ECPAS: variants seen among roughly 807,000 people sequenced by gnomAD.
ECPAS encodes the protein Ecm29 proteasome adaptor and scaffold, also known as proteasome adapter and scaffold protein ECM29.
In ECPAS, 70 loss-of-function variants were observed where a neutral mutation model predicts 255.1. That is an observed-to-expected ratio of 0.27 (90% CI 0.23 to 0.33). The LOEUF is 0.33. Among genes scored for constraint, ECPAS ranks in the 10% least tolerant of loss-of-function variants. ECPAS has a pLI of 1.00. For missense variants in ECPAS, 1,817 were observed against 2,206.4 expected (o/e 0.82, Z 3.54); for synonymous variants, 784 against 775.0 (o/e 1.01, Z -0.19).
chr9:111,402,755 G>A (rs1316196612), intron 24 of ECPAS, among the ~76,000 whole-genome samples: 12 of 152,056 alleles, frequency 7.9e-5, no homozygotes, highest in Admixed American at 7.9e-4. Context: ...AAGTGAAGTT[G>A]TCATCAAACT....
At chr9:111,396,950 T>C in intron 25 of ECPAS, 80 bp downstream of exon 25, 1 of 1,532,384 alleles carries the variant, frequency 6.5e-7, no homozygotes, top group Non-Finnish European at 9.0e-7. Context: ...GAATGTGTAA[T>C]GTTTTTGCCT....
At chr9:111,441,151 C>T (rs1262325789) in intron 5 of ECPAS, among the ~76,000 whole-genome samples, 1 of 140,676 alleles carries the variant, frequency 7.1e-6, no homozygotes, top group African/African-American at 2.7e-5. Context: ...GACTCCATCT[C>T]AAAAAACAAA....
intron 28 of ECPAS, among the ~76,000 whole-genome samples, chr9:111,392,157 C>T (rs1011552452): frequency 6.6e-6 from 1 of 151,958 alleles, no homozygotes; most frequent in Non-Finnish European, 1.5e-5. Context: ...GGAGAGTCAC[C>T]TGAACCAGGG....
At chr9:111,422,085 C>G (rs760997842) in intron 14 of ECPAS, 42 bp from the exon 15 acceptor site, 7 of 1,613,578 alleles carry the variant, frequency 4.3e-6, no homozygotes, top group Non-Finnish European at 5.9e-6. Flanking sequence ...GTTGGGTTCC[C>G]AGGGGAACAT....
rs186394809 is a variant in ECPAS, at chr9:111,466,597, A to G, written c.22+6300T>C. On this transcript the variant is annotated intron_variant, in intron 2 of 49. Transcript: ENST00000684092. ...CTTGTAGGAGGAAAAAAAATCTACT[A>G]AAAATATAAATAACTAAATACACAC... Among the ~76,000 whole-genome samples the G allele has an allele frequency of 1.3e-3, 202 of 150,250 alleles. 1 individual carries two copies. Among genetic ancestry groups the G allele is most frequent in the African/African-American group, 4.6e-3 (186 of 40,740 alleles).
intron 15 of ECPAS, among the ~76,000 whole-genome samples, chr9:111,420,403 A>G (rs2098211717): frequency 6.6e-6 from 1 of 152,176 alleles, no homozygotes; most frequent in South Asian, 2.1e-4. Context: ...AAGGACCATA[A>G]CTAGAGAATC....
intron 24 of ECPAS, among the ~76,000 whole-genome samples, chr9:111,400,812 A>G (rs909055634): frequency 2.6e-5 from 4 of 152,236 alleles, no homozygotes; most frequent in African/African-American, 9.6e-5. Flanking sequence ...TATTTGCCTT[A>G]AAGAGGAAAC....
At chr9:111,398,509 T>TTA (rs1432563846) in intron 24 of ECPAS, among the ~76,000 whole-genome samples, 1 of 152,176 alleles carries the variant, frequency 6.6e-6, no homozygotes, top group African/African-American at 2.4e-5. Flanking sequence ...TGGGGATTCA[T>TTA]TATATTATTA....
At chr9:111,387,858 A>ATTCTCACTCATC (rs1589132868) in intron 31 of ECPAS, among the ~76,000 whole-genome samples, 1 of 150,592 alleles carries the variant, frequency 6.6e-6, no homozygotes, top group African/African-American at 2.4e-5. Flanking sequence ...TGAGGGACAG[A>ATTCTCACTCATC]GTCTCACTCA....
intron 31 of ECPAS, among the ~76,000 whole-genome samples, chr9:111,389,189 C>A (rs75015672): frequency 0.021 from 3,160 of 152,308 alleles, 38 homozygotes; most frequent in Non-Finnish European, 0.029. Context: ...ATGGCAATTG[C>A]CTGCTTCCTT....
In ECPAS at chr9:111,406,557, T is replaced by C. The variant is rs2098184266; in HGVS notation, c.2652+2014A>G. ...TGATAAATGCTTAAAATGATGGATATCCCAATTACCCTAATTTGATCATTA... is the reference window on the plus strand; with the variant it reads ...TGATAAATGCTTAAAATGATGGATACCCCAATTACCCTAATTTGATCATTA... On this transcript the variant is annotated intron_variant, in intron 24 of 49. Coordinates refer to ENST00000684092, the MANE Select transcript of ECPAS (RefSeq NM_001364929.1). Among the ~76,000 whole-genome samples the C allele has an allele frequency of 1.3e-5, 2 of 149,804 alleles. 1 individual carries two copies. The highest frequency in any genetic ancestry group is 5.1e-5 in the African/African-American group (2 of 39,492).
chr9:111,470,069 GC>G (rs1357315246), intron 2 of ECPAS, among the ~76,000 whole-genome samples: 1 of 152,120 alleles, frequency 6.6e-6, no homozygotes, highest in Non-Finnish European at 1.5e-5. Context: ...CCAAGAGGTG[GC>G]AATGAGTACC....
At chr9:111,373,491 T>C (rs994086534) in intron 39 of ECPAS, 85 bp from the exon 40 acceptor site, 6 of 1,016,354 alleles carry the variant, frequency 5.9e-6, no homozygotes, top group Non-Finnish European at 9.1e-6. Flanking sequence ...AACCTAACCC[T>C]GTAATTAACA....
intron 24 of ECPAS, among the ~76,000 whole-genome samples, chr9:111,406,700 TCAAGACCACC>T (rs2098184469): frequency 1.3e-5 from 2 of 148,910 alleles, no homozygotes; most frequent in South Asian, 4.2e-4. Flanking sequence ...GCCCAGGAGT[TCAAGACCACC>T]CTAGGCCACA....
intron 24 of ECPAS, among the ~76,000 whole-genome samples, chr9:111,401,350 C>T (rs1307906048): frequency 6.6e-6 from 1 of 152,028 alleles, no homozygotes; most frequent in East Asian, 1.9e-4. Flanking sequence ...GACCTTGAGC[C>T]GCAAAACCAG....
chr9:111,436,772 C>T (rs1251328698), intron 7 of ECPAS, among the ~76,000 whole-genome samples, 168 bp downstream of exon 7: 2 of 152,230 alleles, frequency 1.3e-5, no homozygotes, highest in Non-Finnish European at 2.9e-5. Flanking sequence ...GCCCCTAGGG[C>T]TTAATAAATA....
At position 111,378,699 on chromosome 9, in the gene ECPAS, C is replaced by A; in HGVS notation, c.3835G>T (p.Ala1279Ser). ...INTLVKISKS[A>S]GAMLKPHAPK... ...GCATGCGGTTTCAACATGGCTCCTG[C>A]ACTTTTGCTGATCTTCACAAGGGTG... is the stretch of plus-strand genomic sequence containing the variant. The change falls in exon 36 of 50, where the codon GCA (alanine) becomes TCA (serine). Residue 1279 changes from alanine to serine, a missense_variant. This residue lies in a region of ECPAS where 960 missense variants were observed against 1,179.0 expected (regional missense o/e 0.81). Coordinates refer to ENST00000684092, the MANE Select transcript of ECPAS (RefSeq NM_001364929.1). 6.2e-7 allele frequency: 1 copy of A among 1,613,620 alleles called. No homozygotes were observed. The highest frequency in any genetic ancestry group is 8.5e-7 in the Non-Finnish European group (1 of 1,179,628).
intron 21 of ECPAS, 87 bp from the exon 22 acceptor site, chr9:111,411,229 C>G: frequency 1.5e-6 from 2 of 1,322,492 alleles, no homozygotes; most frequent in Admixed American, 3.8e-5. Context: ...CGATTAGGAT[C>G]ATCTCTCCAA....
At chr9:111,424,285 T>A (rs2098218334) in intron 12 of ECPAS, among the ~76,000 whole-genome samples, 1 of 152,216 alleles carries the variant, frequency 6.6e-6, no homozygotes, top group African/African-American at 2.4e-5. Flanking sequence ...ACAATTTAGG[T>A]AGATTAACTC....
Sources: gnomAD v4.1 joint callset for allele counts (sites outside exome capture counted in the v4.1 genomes callset) on GRCh38, gnomAD v4.1.1 for gene constraint, gnomAD v4.1.1 regional missense constraint, MANE v1.5 for transcripts, NCBI Gene and HGNC (gene_info 2026-07-23, HGNC 2026-07-21) for gene names.